Variants in JADE3 observed in about 807,000 individuals in gnomAD.
The protein encoded by JADE3 is protein Jade-3.
Under a neutral mutation model 50.1 loss-of-function variants are expected in JADE3, and 2 were observed. The ratio of observed to expected loss-of-function variants is 0.04; its 90% CI spans 0.02 to 0.13. The LOEUF (loss-of-function observed/expected upper bound fraction) is 0.13. Ranked by LOEUF, JADE3 falls within the 10% of genes least tolerant of loss-of-function variation. The pLI, the probability that JADE3 is intolerant of heterozygous loss-of-function variation, is 1.00. For synonymous variants in JADE3, 218 were observed against 232.9 expected, an observed-to-expected ratio of 0.94 and a Z score of 0.58; for missense variants, 475 against 634.4, an observed-to-expected ratio of 0.75 and a Z score of 2.70.
chrX:47,003,262 G>A (rs1602403876), intron 4 of JADE3, among the ~76,000 whole-genome samples: 1 of 110,802 alleles, frequency 9.0e-6, no homozygotes, highest in East Asian at 2.8e-4. Context: ...CCTAGATCAA[G>A]GTCTTGCAGA....
At chrX:46,933,679 G>T (rs1926544858) in intron 1 of JADE3, among the ~76,000 whole-genome samples, 1 of 111,645 alleles carries the variant, frequency 9.0e-6, no homozygotes, top group Non-Finnish European at 1.9e-5. Flanking sequence ...CAGGGAGGAT[G>T]AGGTGGAGTG....
intron 3 of JADE3, among the ~76,000 whole-genome samples, chrX:46,989,194 A>G (rs1264336635): frequency 1.8e-5 from 2 of 111,576 alleles, no homozygotes; most frequent in Non-Finnish European, 3.8e-5. Flanking sequence ...ATAGCAGACT[A>G]TCACTTTTCT....
intron 1 of JADE3, among the ~76,000 whole-genome samples, chrX:46,931,019 A>G (rs1437298502): frequency 8.9e-6 from 1 of 112,041 alleles, no homozygotes; most frequent in Non-Finnish European, 1.9e-5. Flanking sequence ...ATAAGAAATA[A>G]TAATAAATGG....
At chrX:46,947,915 C>T (rs1926919368) in intron 1 of JADE3, among the ~76,000 whole-genome samples, 2 of 111,086 alleles carry the variant, frequency 1.8e-5, no homozygotes, top group Admixed American at 1.9e-4. Context: ...CAACCTGTTA[C>T]TCTGGGTTCT....
chrX:46,998,311 T>A, intron 4 of JADE3, 34 bp downstream of exon 4: 1 of 1,160,698 alleles, frequency 8.6e-7, no homozygotes, highest in Non-Finnish European at 1.2e-6. Context: ...ACTTAGGGAA[T>A]GAATGCTCTC....
intron 4 of JADE3, among the ~76,000 whole-genome samples, chrX:47,016,083 G>A (rs1463805508): frequency 1.8e-5 from 2 of 110,530 alleles, no homozygotes; most frequent in Non-Finnish European, 3.8e-5. Flanking sequence ...AAGAGTGGAG[G>A]GTTATACAGT....
intron 3 of JADE3, among the ~76,000 whole-genome samples, chrX:46,990,539 C>T (rs1210680971): frequency 9.0e-6 from 1 of 111,229 alleles, no homozygotes; most frequent in African/African-American, 3.3e-5. Flanking sequence ...GTGATGGTGA[C>T]AGCCCAGGCT....
intron 3 of JADE3, among the ~76,000 whole-genome samples, chrX:46,986,510 A>G (rs1418432656): frequency 8.9e-6 from 1 of 112,705 alleles, no homozygotes; most frequent in African/African-American, 3.2e-5. Context: ...GAAGTCAAAG[A>G]GAGCCAGACT....
At chrX:46,949,875 T>A (rs781824871) in intron 1 of JADE3, among the ~76,000 whole-genome samples, 1 of 111,965 alleles carries the variant, frequency 8.9e-6, no homozygotes, top group South Asian at 3.7e-4. Flanking sequence ...CAATATAATG[T>A]TTCTGAGATT....
intron 8 of JADE3, among the ~76,000 whole-genome samples, chrX:47,040,257 G>A (rs1472284377): frequency 1.8e-5 from 2 of 111,898 alleles, no homozygotes; most frequent in Non-Finnish European, 3.8e-5. Flanking sequence ...GCAGGGGTCC[G>A]CAACCTGCCA....
At chrX:47,008,956 C>G (rs1374893357) in intron 4 of JADE3, among the ~76,000 whole-genome samples, 3 of 110,537 alleles carry the variant, frequency 2.7e-5, no homozygotes, top group African/African-American at 9.9e-5. Flanking sequence ...TTCATATATA[C>G]ACATAGATAC....
intron 3 of JADE3, among the ~76,000 whole-genome samples, chrX:46,996,050 T>C (rs558497924): frequency 8.9e-6 from 1 of 112,477 alleles, no homozygotes; most frequent in South Asian, 3.6e-4. Context: ...TTCTCTCTTT[T>C]TTTTGAGGCA....
intron 1 of JADE3, among the ~76,000 whole-genome samples, chrX:46,963,089 G>A (rs1205270369): frequency 8.1e-5 from 9 of 111,286 alleles, no homozygotes; most frequent in African/African-American, 2.0e-4. Context: ...CACCCGCCTC[G>A]GCCTCCCAAA....
chrX:47,057,902 A>G (rs782271757), intron 10 of JADE3, among the ~76,000 whole-genome samples: 23 of 111,713 alleles, frequency 2.1e-4, no homozygotes, highest in Non-Finnish European at 5.6e-5. Context: ...GAGGCAACAC[A>G]CTAGTTTGTG....
chrX:46,920,686 T>C (rs1006462245), intron 1 of JADE3, among the ~76,000 whole-genome samples: 3 of 112,694 alleles, frequency 2.7e-5, no homozygotes, highest in Non-Finnish European at 5.6e-5. Flanking sequence ...CACGTATGGA[T>C]GTCTAGTTGT....
chrX:46,949,507 T>A (rs1556344298), intron 1 of JADE3, among the ~76,000 whole-genome samples: 1 of 111,900 alleles, frequency 8.9e-6, no homozygotes, highest in Non-Finnish European at 1.9e-5. Flanking sequence ...CAACAACACT[T>A]GTATTGTTGA....
At chrX:46,927,234 CAT>C (rs1244317758) in intron 1 of JADE3, among the ~76,000 whole-genome samples, 2 of 112,183 alleles carry the variant, frequency 1.8e-5, no homozygotes, top group Non-Finnish European at 3.8e-5. Context: ...AAATAAATGA[CAT>C]ATTAAGGATA....
At position 47,058,299 on chromosome X, in the gene JADE3, A is replaced by G; in HGVS notation, c.1694A>G (p.His565Arg). The G allele has an allele frequency of 8.3e-7, 1 of 1,210,315 alleles. No individual in the cohort carries two copies. The highest frequency in any genetic ancestry group is 1.1e-6 in the Non-Finnish European group (1 of 895,083). Residue 565 changes from histidine to arginine, a missense_variant, in exon 11 of 11, where the codon CAC (histidine) becomes CGC (arginine). Coordinates refer to ENST00000614628, the MANE Select transcript of JADE3 (RefSeq NM_014735.5). ...TCCACAGAAACCGATCAGCAGCCCCACTCTCCTGACAGCAGCTCATCTGTT... is the reference window on the plus strand; with the variant it reads ...TCCACAGAAACCGATCAGCAGCCCCGCTCTCCTGACAGCAGCTCATCTGTT... ...NSSTETDQQP[H>R]SPDSSSSVHS...
chrX:46,980,732 C>G (rs889903300), intron 1 of JADE3, among the ~76,000 whole-genome samples: 19 of 111,664 alleles, frequency 1.7e-4, no homozygotes, highest in African/African-American at 6.2e-4. Context: ...TATAATTTTA[C>G]ATTTTTCATT....
Sources: allele counts gnomAD v4.1 joint callset (sites outside exome capture counted in the v4.1 genomes callset), GRCh38; gene constraint gnomAD v4.1.1; transcripts MANE v1.5; gene names NCBI Gene and HGNC (gene_info 2026-07-23, HGNC 2026-07-21).